LRMDA: variants seen among roughly 807,000 people sequenced by gnomAD.
The protein encoded by LRMDA is leucine-rich melanocyte differentiation-associated protein.
In LRMDA, 18 loss-of-function variants were observed where a neutral mutation model predicts 29.8. The observed-to-expected ratio is 0.60, with a 90% CI of 0.42 to 0.90. The LOEUF is 0.90. LRMDA is among the 40% of genes least tolerant of loss of function. The pLI is 0.00. For missense variants in LRMDA, 273 were observed against 273.9 expected (o/e 1.00, Z 0.02); for synonymous variants, 125 against 109.4 (o/e 1.14, Z -0.89).
intron 2 of LRMDA, among the ~76,000 whole-genome samples, chr10:75,551,282 G>A (rs985694733): frequency 4.6e-5 from 7 of 151,756 alleles, no homozygotes; most frequent in African/African-American, 1.5e-4. Flanking sequence ...ATATGTAGGT[G>A]TAGAAGCACT....
chr10:75,885,740 A>C (rs956694476), intron 2 of LRMDA, among the ~76,000 whole-genome samples: 1 of 152,226 alleles, frequency 6.6e-6, no homozygotes, highest in African/African-American at 2.4e-5. Flanking sequence ...ACTGAATATG[A>C]AGTATTACAG....
At position 75,449,718 on chromosome 10, in the gene LRMDA, G is replaced by A. The variant is rs150127875; in HGVS notation, c.131+11224G>A. Among the ~76,000 whole-genome samples, 56 of 152,244 alleles carry A rather than the reference G, an allele frequency of 3.7e-4. No individual in the cohort carries two copies. In the East Asian group the frequency reaches 9.6e-3, roughly 26 times the overall value. On this transcript the variant is annotated intron_variant, in intron 2 of 6. Transcript: ENST00000611255. ...GGCGAGGCAGGACCTCATGAGGCCT[G>A]GGAGGTGGGAGTTTCCCAGAGAACT...
chr10:76,238,559 G>A (rs1022451379), intron 5 of LRMDA, among the ~76,000 whole-genome samples: 1 of 151,600 alleles, frequency 6.6e-6, no homozygotes, highest in Non-Finnish European at 1.5e-5. Context: ...GTCCCATGTG[G>A]GCATGCAGGA....
intron 6 of LRMDA, among the ~76,000 whole-genome samples, chr10:76,430,302 C>T (rs985678473): frequency 1.3e-5 from 2 of 152,138 alleles, no homozygotes; most frequent in Non-Finnish European, 2.9e-5. Context: ...ATGCTGAGAA[C>T]ACACTGGAGC....
At chr10:76,534,807 T>G (rs1389949057) in intron 6 of LRMDA, among the ~76,000 whole-genome samples, 2 of 152,202 alleles carry the variant, frequency 1.3e-5, no homozygotes, top group African/African-American at 2.4e-5. Context: ...GAACACTGGA[T>G]CTCACATAAG....
At chr10:75,924,321 C>A (rs1278124477) in intron 2 of LRMDA, among the ~76,000 whole-genome samples, 2 of 152,130 alleles carry the variant, frequency 1.3e-5, no homozygotes, top group African/African-American at 4.8e-5. Flanking sequence ...TAGCTGAGAA[C>A]AAAGTAAATT....
chr10:75,560,708 A>G (rs904556859), intron 2 of LRMDA, among the ~76,000 whole-genome samples: 46 of 150,352 alleles, frequency 3.1e-4, no homozygotes, highest in African/African-American at 9.9e-4. Context: ...GATATGTCCC[A>G]TCAATACCTA....
At position 76,261,588 on chromosome 10, in the gene LRMDA, A is replaced by T. The variant is rs118102254; in HGVS notation, c.517-62813A>T. Among the ~76,000 whole-genome samples the T allele has an allele frequency of 2.8e-3, 419 of 152,324 alleles. 22 individuals carry two copies. In the East Asian group the frequency reaches 0.062, roughly 23 times the overall value. On this transcript the variant is annotated intron_variant, in intron 5 of 6. Coordinates refer to ENST00000611255, the MANE Select transcript of LRMDA (RefSeq NM_001305581.2). ...TACCCTCTTGTGCTTAGGTCATAGT[A>T]TCAAGGAGATAACTAGATTTAGGCT...
intron 5 of LRMDA, among the ~76,000 whole-genome samples, chr10:76,249,394 G>C (rs1469328413): frequency 6.6e-6 from 1 of 152,174 alleles, no homozygotes; most frequent in Admixed American, 6.5e-5. Context: ...AACTTTTGCT[G>C]AGTGTTCCAA....
chr10:75,934,312 A>G (rs997266812), intron 2 of LRMDA, among the ~76,000 whole-genome samples: 3 of 152,066 alleles, frequency 2.0e-5, no homozygotes, highest in African/African-American at 7.2e-5. Context: ...CTTTGGTAAA[A>G]GGATGGAGAC....
Position 76,188,644 on chromosome 10 carries a change from C to T in LRMDA, c.516+129861C>T, listed in dbSNP as rs546021095. ...AACTGAGAAGATGGAGGGGGTTTAG[C>T]ACTCACGTTCTGGGCCATGTGTAGA... On this transcript the variant is annotated intron_variant, in intron 5 of 6. Transcript: ENST00000611255. Among the ~76,000 whole-genome samples the T allele has an allele frequency of 0.027, 4 of 148 alleles. No homozygotes were observed. The East Asian group carries it at 0.29, about 11-fold the overall frequency. 0.1% of individuals were successfully genotyped at this position (148 alleles called of 152,430 possible).
intron 2 of LRMDA, among the ~76,000 whole-genome samples, chr10:75,710,234 CA>C (rs1216096511): frequency 1.3e-5 from 2 of 152,146 alleles, no homozygotes; most frequent in Admixed American, 6.5e-5. Context: ...GAGAGGAAAA[CA>C]AAAACCACTA....
At chr10:76,417,593 G>C (rs1047770431) in intron 6 of LRMDA, among the ~76,000 whole-genome samples, 4 of 152,066 alleles carry the variant, frequency 2.6e-5, no homozygotes, top group Admixed American at 2.0e-4. Context: ...CTATGGATTA[G>C]TTTTGATTAC....
chr10:76,553,517 G>A (rs982602573), intron 6 of LRMDA, among the ~76,000 whole-genome samples: 1 of 152,236 alleles, frequency 6.6e-6, no homozygotes, highest in East Asian at 1.9e-4. Context: ...AAGAAGGGCT[G>A]TGGGGAGGAC....
intron 2 of LRMDA, among the ~76,000 whole-genome samples, chr10:75,698,271 A>G (rs1055822710): frequency 6.6e-6 from 1 of 150,904 alleles, no homozygotes. Context: ...TCCGACCCCT[A>G]CTCTCTGTGC....
At chr10:76,070,159 TC>T (rs1475659538) in intron 5 of LRMDA, among the ~76,000 whole-genome samples, 2 of 152,208 alleles carry the variant, frequency 1.3e-5, no homozygotes, top group Non-Finnish European at 2.9e-5. Context: ...CAGCTAGTGT[TC>T]TTAGTCATGT....
chr10:75,946,634 G>A (rs1357736770), intron 2 of LRMDA, among the ~76,000 whole-genome samples: 3 of 152,198 alleles, frequency 2.0e-5, no homozygotes, highest in Non-Finnish European at 4.4e-5. Context: ...GGCTTTGGAT[G>A]CTCTACAAGT....
At chr10:75,468,058 A>G (rs905950903) in intron 2 of LRMDA, among the ~76,000 whole-genome samples, 2 of 151,870 alleles carry the variant, frequency 1.3e-5, no homozygotes, top group Non-Finnish European at 2.9e-5. Flanking sequence ...GTGGTATAAT[A>G]ATCTCCAAGG....
chr10:76,399,870 G>A (rs925003218), intron 6 of LRMDA, among the ~76,000 whole-genome samples: 6 of 151,976 alleles, frequency 3.9e-5, no homozygotes, highest in African/African-American at 1.5e-4. Context: ...TTCCTTCATG[G>A]CCTGTGTAAT....
Sources: allele counts gnomAD v4.1 joint callset (sites outside exome capture counted in the v4.1 genomes callset), GRCh38; gene constraint gnomAD v4.1.1; transcripts MANE v1.5; gene names NCBI Gene and HGNC (gene_info 2026-07-23, HGNC 2026-07-21).